The following CSMD2 variants were observed in gnomAD, a reference collection of about 807,000 sequenced individuals.
The protein encoded by CSMD2 is CUB and sushi domain-containing protein 2.
A neutral mutation model predicts 398.5 loss-of-function variants in CSMD2; 130 were observed. The observed-to-expected ratio is 0.33, with a 90% confidence interval of 0.28 to 0.38. The LOEUF is 0.38. CSMD2 is among the 10% of genes least tolerant of loss of function. The pLI, the probability that CSMD2 is intolerant of heterozygous loss-of-function variation, is 1.00. For missense variants in CSMD2, 3,829 were observed against 4,764.9 expected (o/e 0.80, Z 5.78); for synonymous variants, 1,828 against 1,908.5 (o/e 0.96, Z 1.10).
chr1:33,956,384 G>A (rs1645168764), intron 3 of CSMD2, among the ~76,000 whole-genome samples: 1 of 152,094 alleles, frequency 6.6e-6, no homozygotes, highest in African/African-American at 2.4e-5. Flanking sequence ...AGTTTGACTA[G>A]TCCAAGCACT....
At chr1:33,612,935 C>T (rs1459250903) in intron 40 of CSMD2, among the ~76,000 whole-genome samples, 1 of 152,226 alleles carries the variant, frequency 6.6e-6, no homozygotes, top group Non-Finnish European at 1.5e-5. Context: ...CCTGTGCTTT[C>T]CATTCCACTG....
At chr1:33,809,233 C>A (rs1205416798) in intron 10 of CSMD2, among the ~76,000 whole-genome samples, 2 of 151,190 alleles carry the variant, frequency 1.3e-5, no homozygotes, top group Non-Finnish European at 1.5e-5. Flanking sequence ...TATGAAAAAA[C>A]AAATAACAGG....
At chr1:33,979,245 A>G (rs1403090587) in intron 3 of CSMD2, among the ~76,000 whole-genome samples, 1 of 152,200 alleles carries the variant, frequency 6.6e-6, no homozygotes, top group African/African-American at 2.4e-5. Flanking sequence ...TGGCCCCGTC[A>G]CAGCTGCCCA....
intron 2 of CSMD2, among the ~76,000 whole-genome samples, chr1:34,054,061 T>G (rs772242683): frequency 2.0e-5 from 3 of 152,138 alleles, no homozygotes. Flanking sequence ...ATCCAACTAT[T>G]CCTAAATGTC....
chr1:34,162,433 C>A (rs1490483726), intron 1 of CSMD2, among the ~76,000 whole-genome samples: 1 of 152,204 alleles, frequency 6.6e-6, no homozygotes, highest in African/African-American at 2.4e-5. Context: ...ACAGTGTGAA[C>A]TGAACACAAA....
intron 32 of CSMD2, among the ~76,000 whole-genome samples, chr1:33,632,967 G>GT (rs1314068891): frequency 3.3e-5 from 5 of 152,132 alleles, no homozygotes; most frequent in Admixed American, 3.3e-4. Flanking sequence ...AATAAAATAT[G>GT]TATATTGGTT....
At chr1:33,688,312 T>C (rs1397649566) in intron 25 of CSMD2, among the ~76,000 whole-genome samples, 6 of 152,208 alleles carry the variant, frequency 3.9e-5, no homozygotes, top group Non-Finnish European at 8.8e-5. Context: ...GAAAACAAGC[T>C]ACTAAGCCAT....
intron 25 of CSMD2, among the ~76,000 whole-genome samples, chr1:33,692,210 C>G (rs915508817): frequency 2.0e-5 from 3 of 152,194 alleles, no homozygotes; most frequent in Non-Finnish European, 4.4e-5. Context: ...GTTCTTTCTC[C>G]TCTGACTCCT....
At chr1:33,535,325 A>G (rs1245673431) in intron 62 of CSMD2, among the ~76,000 whole-genome samples, 2 of 152,136 alleles carry the variant, frequency 1.3e-5, no homozygotes, top group African/African-American at 4.8e-5. Flanking sequence ...AATTTGTGTT[A>G]ATTTCCTTGC....
Position 33,662,978 on chromosome 1 carries a change from C to T in CSMD2, c.4167G>A (p.Lys1389=), listed in dbSNP as rs750133947. The change falls in exon 26 of 71, where the codon AAG becomes AAA. Residue 1389 remains lysine (K), a synonymous_variant. Coordinates refer to ENST00000373381, the MANE Select transcript of CSMD2 (RefSeq NM_001281956.2). ...CCGAGTTGAAGGTGCTATGCAGGTC[C>T]TTGGGCAGGGCCGGGCCACTCAGCT... ...LKELSGPALP[K]DLHSTFNSVV... is the part of the protein sequence containing the mutation. 1.2e-6 allele frequency: 2 copies of T among 1,614,044 alleles called. No homozygotes were observed. Among genetic ancestry groups the T allele is most frequent in the Non-Finnish European group, 1.7e-6 (2 of 1,180,026 alleles).
At chr1:33,769,800 T>G (rs2149323213) in intron 13 of CSMD2, among the ~76,000 whole-genome samples, 1 of 152,302 alleles carries the variant, frequency 6.6e-6, no homozygotes, top group Non-Finnish European at 1.5e-5. Context: ...AATCCCCTTA[T>G]AGCTCTCAAT....
intron 6 of CSMD2, among the ~76,000 whole-genome samples, chr1:33,826,389 A>G (rs1273612393): frequency 6.6e-6 from 1 of 152,218 alleles, no homozygotes; most frequent in Admixed American, 6.5e-5. Flanking sequence ...TCAAAGGCAT[A>G]AAAGCACTTG....
chr1:34,052,168 TACACACACACAC>T (rs35006153), intron 2 of CSMD2, among the ~76,000 whole-genome samples: 2 of 146,932 alleles, frequency 1.4e-5, no homozygotes, highest in Non-Finnish European at 3.0e-5. Context: ...AGCATATGTA[TACACACACACAC>T]ACACACACAC....
chr1:33,661,019 G>A (rs1461722801), intron 26 of CSMD2, among the ~76,000 whole-genome samples: 2 of 152,326 alleles, frequency 1.3e-5, no homozygotes, highest in East Asian at 3.9e-4. Flanking sequence ...TGGCATCTGA[G>A]ATGAACCTTG....
intron 22 of CSMD2, among the ~76,000 whole-genome samples, chr1:33,703,088 C>T (rs1347217176): frequency 6.6e-6 from 1 of 152,144 alleles, no homozygotes; most frequent in Non-Finnish European, 1.5e-5. Flanking sequence ...GTTTTAGCTA[C>T]TGTAGCTTTA....
chr1:34,011,573 CTTTTT>C (rs569433572), intron 3 of CSMD2, among the ~76,000 whole-genome samples: 2 of 151,828 alleles, frequency 1.3e-5, no homozygotes, highest in Admixed American at 1.3e-4. Context: ...TAAGTGTATT[CTTTTT>C]TTTAATTTTT....
intron 3 of CSMD2, among the ~76,000 whole-genome samples, chr1:33,973,888 G>A (rs1645862990): frequency 6.6e-6 from 1 of 152,138 alleles, no homozygotes; most frequent in African/African-American, 2.4e-5. Context: ...ACACTGAGAG[G>A]GGTAGGAAGA....
At chr1:33,985,086 A>G (rs1646308893) in intron 3 of CSMD2, among the ~76,000 whole-genome samples, 1 of 152,206 alleles carries the variant, frequency 6.6e-6, no homozygotes. Context: ...AGAATCCATC[A>G]TATTCAAGCC....
intron 54 of CSMD2, among the ~76,000 whole-genome samples, chr1:33,558,290 C>A (rs1658229627): frequency 6.6e-6 from 1 of 152,226 alleles, no homozygotes; most frequent in Non-Finnish European, 1.5e-5. Flanking sequence ...CCTCCCACAG[C>A]AAAGCTTGTC....
Sources: allele counts gnomAD v4.1 joint callset (sites outside exome capture counted in the v4.1 genomes callset), GRCh38; gene constraint gnomAD v4.1.1; transcripts MANE v1.5; gene names NCBI Gene and HGNC (gene_info 2026-07-23, HGNC 2026-07-21).